The following MAP9 variants were observed in gnomAD, a reference collection of about 807,000 sequenced individuals.
The protein encoded by MAP9 is microtubule associated protein 9, also known as microtubule-associated protein 9.
A neutral mutation model predicts 75.2 loss-of-function variants in MAP9; 80 were observed. The ratio of observed to expected loss-of-function variants is 1.06; its 90% confidence interval spans 0.89 to 1.28. The LOEUF is 1.28. Ranked by LOEUF, MAP9 falls within the 50% of genes most tolerant of loss-of-function variation. The pLI, the probability that MAP9 is intolerant of heterozygous loss-of-function variation, is 0.00. For missense variants in MAP9, 753 were observed against 719.9 expected (o/e 1.05, Z -0.53); for synonymous variants, 235 against 237.3 (o/e 0.99, Z 0.09).
chr4:155,375,814 T>C lies in MAP9; in HGVS notation c.37A>G (p.Thr13Ala). The C allele has an allele frequency of 1.2e-6, 2 of 1,611,036 alleles. No individual in the cohort carries two copies. Among genetic ancestry groups the C allele is most frequent in the Non-Finnish European group, 8.5e-7 (1 of 1,178,216 alleles). ...DEVFSTTLAY[T>A]KSPKVTKRTT... is the part of the protein sequence containing the mutation. ...CTTTTGGTAACTTTTGGACTCTTTG[T>C]ATATGCCAAAGTGGTGCTAAAAACT... Residue 13 changes from threonine (T) to alanine (A), a missense_variant, in exon 2 of 14, where the codon ACA (threonine) becomes GCA (alanine). Transcript: ENST00000311277.
At chr4:155,360,691 C>A (rs375851036) in intron 6 of MAP9, among the ~76,000 whole-genome samples, 3 of 151,890 alleles carry the variant, frequency 2.0e-5, no homozygotes, top group Non-Finnish European at 4.4e-5. Context: ...CCTAAAACAA[C>A]GACATGTCAA....
intron 4 of MAP9, among the ~76,000 whole-genome samples, chr4:155,372,184 TG>T: frequency 6.6e-6 from 1 of 152,180 alleles, no homozygotes; most frequent in East Asian, 1.9e-4. Context: ...AATGAGATTG[TG>T]GGGTCAGGAA....
Position 155,373,372 on chromosome 4 carries a change from T to C in MAP9, c.245A>G (p.Glu82Gly). ...KMNDFHISDDEEKNPSKLLFL... is the reference protein window; with the variant it reads ...KMNDFHISDDGEKNPSKLLFL... ...CAATAGTTTTGAAGGATTCTTTTCT[T>C]CATCATCTGATATATGAAAGTCATT... is the stretch of plus-strand genomic sequence containing the variant. Residue 82 changes from glutamate (E) to glycine (G), a missense_variant, in exon 4 of 14, where the codon GAA becomes GGA. Glu to Gly is a moderately conservative substitution (Grantham distance 98, BLOSUM62 -2). Coordinates refer to ENST00000311277, the MANE Select transcript of MAP9 (RefSeq NM_001039580.2). 1.4e-5 allele frequency: 22 copies of C among 1,611,714 alleles called. No individual in the cohort carries two copies. The highest frequency in any genetic ancestry group is 1.9e-5 in the Non-Finnish European group (22 of 1,178,588).
In MAP9 at chr4:155,373,274, C is replaced by T. The variant is rs886671331; in HGVS notation, c.343G>A (p.Glu115Lys). The change falls in exon 4 of 14, where the codon GAA becomes AAA. Residue 115 changes from glutamate to lysine, a missense_variant. Physicochemically the swap from Glu to Lys is moderately conservative, Grantham distance 56 (BLOSUM62 1). Coordinates refer to ENST00000311277, the MANE Select transcript of MAP9 (RefSeq NM_001039580.2). Reference protein sequence around the residue: ...EPVCAIKNEEEMAPDGCEDIV... With the variant: ...EPVCAIKNEEKMAPDGCEDIV... ...TCTTCACACCCATCAGGTGCCATTT[C>T]CTCTTCATTTTTGATGGCACACACT... 1 of 1,613,726 alleles carries T rather than the reference C, an allele frequency of 6.2e-7. No individual in the cohort carries two copies.
At chr4:155,372,569 T>C (rs1012919965) in intron 4 of MAP9, among the ~76,000 whole-genome samples, 6 of 152,212 alleles carry the variant, frequency 3.9e-5, no homozygotes, top group Admixed American at 3.9e-4. Context: ...TAGATTTTCA[T>C]AGGCAATACA....
chr4:155,355,877 T>C lies in MAP9; in HGVS notation c.1129A>G (p.Thr377Ala). 6.2e-7 allele frequency: 1 copy of C among 1,610,142 alleles called. No homozygotes were observed. Among genetic ancestry groups the C allele is most frequent in the Non-Finnish European group, 8.5e-7 (1 of 1,177,928 alleles). ...CTAGATTTCTTCAAAAACTCAGAGG[T>C]CATTAATCTGAAAAGATCCAAATGA... ...RASSASARLM[T>A]SEFLKKSSSK... The change falls in exon 9 of 14, where the codon ACC becomes GCC. Residue 377 changes from threonine to alanine, a missense_variant. Coordinates refer to ENST00000311277, the MANE Select transcript of MAP9 (RefSeq NM_001039580.2).
At chr4:155,358,595 T>A (rs975528257) in intron 7 of MAP9, among the ~76,000 whole-genome samples, 13 of 152,120 alleles carry the variant, frequency 8.5e-5, no homozygotes, top group African/African-American at 3.1e-4. Flanking sequence ...AAACAAAGAC[T>A]GAAAATGCTA....
At position 155,368,910 on chromosome 4, in the gene MAP9, C is replaced by T. The variant is rs931447522; in HGVS notation, c.482-98G>A. 4 of 937,230 alleles carry T rather than the reference C, an allele frequency of 4.3e-6. No homozygotes were observed. In the Admixed American group the frequency reaches 8.1e-5, roughly 19 times the overall value. 58.1% of individuals were successfully genotyped at this position (937,230 alleles called of 1,614,324 possible). ...CATACTTCCCTCCTGTGCCTATGCC[C>T]CTTTGTTCTCTGTCCTGAAGAGTCC... On this transcript the variant is annotated intron_variant, in intron 4 of 13. Coordinates refer to ENST00000311277, the MANE Select transcript of MAP9 (RefSeq NM_001039580.2).
At chr4:155,364,536 C>CTATAA (rs57818103) in intron 5 of MAP9, among the ~76,000 whole-genome samples, 89,279 of 146,670 alleles carry the variant, frequency 0.61, 27,840 homozygotes, top group East Asian at 0.79. Context: ...TATATATTAT[C>CTATAA]TATATTTAGC....
At chr4:155,348,754 T>TAATTTTTA (rs892534972) in intron 13 of MAP9, among the ~76,000 whole-genome samples, 1 of 152,178 alleles carries the variant, frequency 6.6e-6, no homozygotes, top group Non-Finnish European at 1.5e-5. Context: ...TTTAGTAATT[T>TAATTTTTA]GTGTACTTTC....
chr4:155,365,385 G>A (rs1263345107), intron 5 of MAP9, among the ~76,000 whole-genome samples: 1 of 151,966 alleles, frequency 6.6e-6, no homozygotes, highest in East Asian at 1.9e-4. Flanking sequence ...CTAAAGAGAA[G>A]TATAAACAAA....
At chr4:155,354,111 TAGAC>T (rs1211504955) in intron 10 of MAP9, 2 of 152,220 alleles carry the variant, frequency 1.3e-5, no homozygotes, top group Admixed American at 6.6e-5. Flanking sequence ...GGTTAACAGA[TAGAC>T]AGGCACGCCC....
chr4:155,373,063 A>T (rs545027263), intron 4 of MAP9, 73 bp downstream of exon 4: 2 of 985,118 alleles, frequency 2.0e-6, no homozygotes, highest in East Asian at 5.2e-5. Context: ...TAGCTACCAT[A>T]TAAAAATTTT....
Position 155,375,864 on chromosome 4 carries a change from TC to T in MAP9, c.-15del. The T allele has an allele frequency of 6.4e-7, 1 of 1,569,970 alleles. No individual in the cohort carries two copies. The highest frequency in any genetic ancestry group is 8.7e-7 in the Non-Finnish European group (1 of 1,144,938). On this transcript the variant is annotated 5_prime_UTR_variant, in exon 2 of 14. Transcript: ENST00000311277. The stretch of plus-strand genomic sequence containing the variant: ...TTCATCAGACATAGTGTATTTTTTC[TC>T]GTTACCTTTATAAAATAGCTAATTA...
intron 6 of MAP9, 82 bp from the exon 7 acceptor site, chr4:155,360,497 A>G: frequency 7.5e-7 from 1 of 1,328,502 alleles, no homozygotes; most frequent in Non-Finnish European, 1.0e-6. Flanking sequence ...TTTCTTTTAA[A>G]TGAGGACTAT....
chr4:155,360,476 G>A (rs1732022253), intron 6 of MAP9, 61 bp from the exon 7 acceptor site: 1 of 1,468,192 alleles, frequency 6.8e-7, no homozygotes, highest in East Asian at 2.3e-5. Context: ...GTAAATACTT[G>A]ATTCATTTGC....
Position 155,357,528 on chromosome 4 carries a change from C to T in MAP9, c.1051-9G>A. On this transcript the variant is annotated splice_polypyrimidine_tract_variant and intron_variant, in intron 7 of 13. Transcript: ENST00000311277. ...CTATCTTCAATTGTTTTCTATTAAA[C>T]AGAAAATGCCAAAGATGATTTATTC... 1 of 1,433,646 alleles carries T rather than the reference C, an allele frequency of 7.0e-7. No individual in the cohort carries two copies. Among genetic ancestry groups the T allele is most frequent in the Non-Finnish European group, 9.8e-7 (1 of 1,020,880 alleles). 88.8% of individuals were successfully genotyped at this position (1,433,646 alleles called of 1,614,324 possible).
rs1731195201 is a variant in MAP9, at chr4:155,343,886, T to C, written c.*3897A>G. ...AAATAACTCAGAGAAACTTCCAGTT[T>C]AACATTTACACAGCATTTTATTATC... On this transcript the variant is annotated 3_prime_UTR_variant, in exon 14 of 14. Transcript: ENST00000311277. 6.6e-6 allele frequency: 1 copy of C among 151,944 alleles called. No homozygotes were observed. The highest frequency in any genetic ancestry group is 2.1e-4 in the South Asian group (1 of 4,826). 9.4% of individuals were successfully genotyped at this position (151,944 alleles called of 1,614,324 possible).
At chr4:155,349,890 C>T (rs1370838188) in intron 13 of MAP9, 2 of 156,336 alleles carry the variant, frequency 1.3e-5, no homozygotes, top group Non-Finnish European at 2.8e-5. Context: ...GCTGTAAAGC[C>T]AGGGTAGCAA....
Sources: allele counts gnomAD v4.1 joint callset (sites outside exome capture counted in the v4.1 genomes callset), GRCh38; gene constraint gnomAD v4.1.1; transcripts MANE v1.5; gene names NCBI Gene and HGNC (gene_info 2026-07-23, HGNC 2026-07-21).